Variants in MALRD1 observed in about 807,000 individuals in gnomAD.
MALRD1 encodes MAM and LDL-receptor class A domain-containing protein 1.
A neutral mutation model predicts 242.1 loss-of-function variants in MALRD1; 247 were observed. The observed-to-expected ratio is 1.02, with a 90% CI of 0.92 to 1.13. The LOEUF is 1.13. Ranked by LOEUF, MALRD1 falls within the 50% of genes most tolerant of loss-of-function variation. The probability of loss-of-function intolerance (pLI) is 0.00; values close to 1 mark genes in which losing one functional copy is unlikely to be tolerated. For synonymous variants in MALRD1, 995 were observed against 866.6 expected, an observed-to-expected ratio of 1.15 and a Z score of -2.60; for missense variants, 2,989 against 2,533.1, an observed-to-expected ratio of 1.18 and a Z score of -3.86.
chr10:19,371,082 T>G (rs1193560318), intron 26 of MALRD1, among the ~76,000 whole-genome samples: 2 of 127,602 alleles, frequency 1.6e-5, no homozygotes, highest in Non-Finnish European at 3.2e-5. Flanking sequence ...AGGCCCTCTC[T>G]CTACGAAATT....
intron 28 of MALRD1, among the ~76,000 whole-genome samples, chr10:19,405,012 C>T (rs1847028712): frequency 6.6e-6 from 1 of 152,116 alleles, no homozygotes; most frequent in South Asian, 2.1e-4. Context: ...AGAAGTAGCA[C>T]TTTATTTAGT....
chr10:19,544,720 T>C (rs113405691), intron 32 of MALRD1, among the ~76,000 whole-genome samples: 120 of 152,276 alleles, frequency 7.9e-4, no homozygotes, highest in African/African-American at 2.4e-3. Context: ...CTATGACTTA[T>C]TAAAATTGTC....
At chr10:19,276,201 T>C (rs1190770537) in intron 19 of MALRD1, among the ~76,000 whole-genome samples, 2 of 152,176 alleles carry the variant, frequency 1.3e-5, no homozygotes, top group African/African-American at 4.8e-5. Flanking sequence ...CAAACTTTCA[T>C]TGAAACTTTG....
chr10:19,049,234 T>G, intron 1 of MALRD1, 97 bp downstream of exon 1: 1 of 877,142 alleles, frequency 1.1e-6, no homozygotes, highest in Non-Finnish European at 1.5e-6. Flanking sequence ...TACTTGGCTC[T>G]GTATGCATTG....
intron 39 of MALRD1, among the ~76,000 whole-genome samples, chr10:19,733,490 T>C (rs1835374703): frequency 6.6e-6 from 1 of 151,984 alleles, no homozygotes; most frequent in Admixed American, 6.6e-5. Context: ...CCTACCCCAA[T>C]TGTCTCATTA....
At position 19,398,619 on chromosome 10, in the gene MALRD1, A is replaced by T. The variant is rs186477997; in HGVS notation, c.4845+9010A>T. Among the ~76,000 whole-genome samples, 263 of 152,298 alleles carry T rather than the reference A, an allele frequency of 1.7e-3. 1 individual carries two copies. The highest frequency in any genetic ancestry group is 6.0e-3 in the African/African-American group (250 of 41,578). On this transcript the variant is annotated intron_variant, in intron 28 of 39. Transcript: ENST00000454679. ...CAGAACTTTAGTTGAAGTTTGTGAA[A>T]ATAAAGATGTATTTCCTCCATCCAT...
chr10:19,413,893 G>A (rs768913224), intron 28 of MALRD1, among the ~76,000 whole-genome samples: 15 of 151,394 alleles, frequency 9.9e-5, no homozygotes, highest in Non-Finnish European at 2.1e-4. Flanking sequence ...AGAGGTTGCA[G>A]TGAGCCGAGA....
intron 5 of MALRD1, among the ~76,000 whole-genome samples, chr10:19,109,270 G>A (rs1249419479): frequency 6.6e-6 from 1 of 152,162 alleles, no homozygotes; most frequent in African/African-American, 2.4e-5. Flanking sequence ...ACTGGGTCAA[G>A]CGTTACCTCC....
chr10:19,204,280 C>CT (rs1588693734), intron 15 of MALRD1, 28 bp from the exon 16 acceptor site: 9 of 1,008,122 alleles, frequency 8.9e-6, no homozygotes, highest in South Asian at 3.1e-5. Flanking sequence ...GTTAATGAAG[C>CT]GTTTTTTTTT....
At chr10:19,543,433 C>CTTTCTTTTTTT (rs1554796764) in intron 32 of MALRD1, among the ~76,000 whole-genome samples, 1 of 106,410 alleles carries the variant, frequency 9.4e-6, no homozygotes, top group Non-Finnish European at 1.8e-5. Flanking sequence ...CAGCTGATTT[C>CTTTCTTTTTTT]TTTTTTTTTT....
Position 19,385,204 on chromosome 10 carries a change from A to G in MALRD1, c.4442-2324A>G, listed in dbSNP as rs139145911. Among the ~76,000 whole-genome samples the G allele has an allele frequency of 1.2e-4, 18 of 151,980 alleles. No individual in the cohort carries two copies. The East Asian group carries it at 2.9e-3, about 25-fold the overall frequency. ...ATTTTTGCATCCATATTTATTAGGG[A>G]TATTGGCTGTAGTTTTCTCCTTTTG... On this transcript the variant is annotated intron_variant, in intron 26 of 39. Transcript: ENST00000454679.
intron 17 of MALRD1, among the ~76,000 whole-genome samples, chr10:19,208,662 AT>A (rs556690026): frequency 6.6e-6 from 1 of 152,298 alleles, no homozygotes; most frequent in African/African-American, 2.4e-5. Flanking sequence ...TTCACCCTAT[AT>A]CTAATAAGCT....
At chr10:19,712,398 T>C (rs895187979) in intron 38 of MALRD1, among the ~76,000 whole-genome samples, 1 of 152,234 alleles carries the variant, frequency 6.6e-6, no homozygotes, top group Non-Finnish European at 1.5e-5. Context: ...GCTGAAATTG[T>C]TCATAGATTC....
chr10:19,453,825 C>T (rs534620971), intron 29 of MALRD1, among the ~76,000 whole-genome samples: 103 of 151,476 alleles, frequency 6.8e-4, no homozygotes, highest in Non-Finnish European at 1.3e-3. Context: ...TGCAGTGAGC[C>T]GAGATCGCAC....
chr10:19,731,544 T>C (rs1014395826), intron 39 of MALRD1, among the ~76,000 whole-genome samples: 1 of 151,430 alleles, frequency 6.6e-6, no homozygotes, highest in African/African-American at 2.4e-5. Context: ...GGATCTCTCT[T>C]AGCAAATTTT....
chr10:19,339,915 G>T (rs543358940), intron 24 of MALRD1, among the ~76,000 whole-genome samples: 64 of 152,226 alleles, frequency 4.2e-4, no homozygotes, highest in African/African-American at 1.5e-3. Flanking sequence ...AATCACAGTG[G>T]AAGGTGTAGA....
intron 28 of MALRD1, among the ~76,000 whole-genome samples, chr10:19,449,336 C>T (rs11010002): frequency 0.27 from 40,591 of 152,018 alleles, 6,055 homozygotes; most frequent in East Asian, 0.46. Context: ...GCCACCACGC[C>T]CGGCTAATGT....
At chr10:19,679,701 G>GT (rs915361591) in intron 36 of MALRD1, among the ~76,000 whole-genome samples, 23 of 151,092 alleles carry the variant, frequency 1.5e-4, no homozygotes, top group Admixed American at 1.3e-4. Context: ...CTAGCTTTGG[G>GT]TTTTTTTTCC....
intron 35 of MALRD1, among the ~76,000 whole-genome samples, chr10:19,610,456 T>C (rs1416448255): frequency 6.6e-6 from 1 of 151,986 alleles, no homozygotes; most frequent in African/African-American, 2.4e-5. Flanking sequence ...TAGATTTTCC[T>C]GCAGTCCCTG....
Sources: allele counts gnomAD v4.1 joint callset (sites outside exome capture counted in the v4.1 genomes callset), GRCh38; gene constraint gnomAD v4.1.1; transcripts MANE v1.5; gene names NCBI Gene and HGNC (gene_info 2026-07-23, HGNC 2026-07-21).